ASAH1: variants seen among roughly 807,000 people sequenced by gnomAD.
The protein encoded by ASAH1 is N-acylsphingosine amidohydrolase 1.
Under a neutral mutation model 59.5 loss-of-function variants are expected in ASAH1, and 70 were observed. That is an observed-to-expected ratio of 1.18 (90% CI 0.97 to 1.43). The LOEUF (loss-of-function observed/expected upper bound fraction) is 1.43, where lower values mean the gene tolerates loss of function less well. ASAH1 is among the 40% of genes most tolerant of loss of function. ASAH1 has a pLI of 0.00. For missense variants in ASAH1, 660 were observed against 482.5 expected, an observed-to-expected ratio of 1.37 and a Z score of -3.45; for synonymous variants, 213 against 166.5, an observed-to-expected ratio of 1.28 and a Z score of -2.15.
rs369242199 is a variant in ASAH1 at position 18,071,329 on chromosome 8, G to A, written c.187C>T (p.His63Tyr). The A allele has an allele frequency of 4.4e-6, 7 of 1,603,172 alleles. No homozygotes were observed. The African/African-American group carries it at 9.3e-5, about 21-fold the overall frequency. ...NLDLPPYKRW[H>Y]ELMLDKAPVL... is the part of the protein sequence containing the mutation. ...GGTGCCTTGTCAAGCATCAATTCAT[G>A]CCATCTTTTGTAGGGTGGTAAGTCA... The change falls in exon 3 of 14, where the codon CAT (histidine) becomes TAT (tyrosine). Residue 63 changes from histidine to tyrosine, a missense_variant. His to Tyr is a moderately conservative substitution (Grantham distance 83). Coordinates refer to ENST00000637790, the MANE Select transcript of ASAH1 (RefSeq NM_177924.5).
Position 18,056,590 on chromosome 8 carries a change from T to C in ASAH1, c.*944A>G, listed in dbSNP as rs1799479438. ...TAGAAAGGTTAACAAGTTCTATTAG[T>C]ACTTTTCATAAGCAGTTTGATTTCT... On this transcript the variant is annotated 3_prime_UTR_variant, in exon 14 of 14. Transcript: ENST00000637790. 2 of 152,260 alleles carry C rather than the reference T, an allele frequency of 1.3e-5. No individual in the cohort carries two copies. Among genetic ancestry groups the C allele is most frequent in the South Asian group, 4.1e-4 (2 of 4,836 alleles). 9.4% of individuals were successfully genotyped at this position (152,260 alleles called of 1,614,324 possible).
chr8:18,084,090 C>G lies in ASAH1; in HGVS notation c.-32G>C, dbSNP rs369734620. 1.3e-6 allele frequency: 2 copies of G among 1,597,452 alleles called. No homozygotes were observed. The highest frequency in any genetic ancestry group is 1.3e-5 in the African/African-American group (1 of 75,024). ...AGCAGCCAACGCCACTCCCCGGACT[C>G]CAGCAGAGGCAAAGAAGAGCCGGCT... On this transcript the variant is annotated 5_prime_UTR_variant, in exon 1 of 14. Transcript: ENST00000637790.
At chr8:18,083,308 C>G (rs559971304) in intron 1 of ASAH1, 1 of 152,808 alleles carries the variant, frequency 6.5e-6, no homozygotes, top group African/African-American at 2.4e-5. Flanking sequence ...TAACCTCTGG[C>G]TAAATATTTT....
chr8:18,063,401 TCAAG>T, intron 6 of ASAH1, 171 bp from the exon 7 acceptor site: 1 of 656,794 alleles, frequency 1.5e-6, no homozygotes, highest in Non-Finnish European at 2.7e-6. Flanking sequence ...CCTCCCAGGT[TCAAG>T]CAATTCTTGT....
At chr8:18,069,304 T>G (rs1216421621) in intron 4 of ASAH1, among the ~76,000 whole-genome samples, 1 of 152,116 alleles carries the variant, frequency 6.6e-6, no homozygotes, top group Non-Finnish European at 1.5e-5. Context: ...GGAGTCTTCC[T>G]GCATGATGAG....
At chr8:18,067,477 C>G (rs1799981407) in intron 4 of ASAH1, 179 bp from the exon 5 acceptor site, 1 of 287,472 alleles carries the variant, frequency 3.5e-6, no homozygotes, top group Non-Finnish European at 6.3e-6. Context: ...ATTTTTACAT[C>G]ATGTAGTTAT....
At chr8:18,073,246 G>A (rs776779424) in intron 2 of ASAH1, 4 of 1,572,854 alleles carry the variant, frequency 2.5e-6, no homozygotes, top group South Asian at 1.1e-5. Flanking sequence ...AAGAATAAAA[G>A]AGTATCCACC....
chr8:18,078,901 C>T (rs1455855325), intron 1 of ASAH1, among the ~76,000 whole-genome samples: 1 of 146,040 alleles, frequency 6.8e-6, no homozygotes, highest in Non-Finnish European at 1.5e-5. Context: ...TCTCTCCCTG[C>T]CCTTCCCTAC....
At chr8:18,072,153 G>A (rs1171065059) in intron 2 of ASAH1, among the ~76,000 whole-genome samples, 1 of 152,148 alleles carries the variant, frequency 6.6e-6, no homozygotes, top group Non-Finnish European at 1.5e-5. Context: ...TTCTGGCCCT[G>A]GTTACTAAAC....
upstream of ASAH1, chr8:18,084,947 AC>A (rs1800838391): frequency 8.3e-7 from 1 of 1,211,174 alleles, no homozygotes; most frequent in African/African-American, 1.5e-5. Flanking sequence ...CGGGTAGGTG[AC>A]CGGGTTGGAT....
rs1336438951 is a variant in ASAH1 at position 18,069,882 on chromosome 8, A to G, written c.217-4T>C. On this transcript the variant is annotated splice_region_variant and splice_polypyrimidine_tract_variant and intron_variant, in intron 3 of 13. Transcript: ENST00000637790. ...GAGAATTCACTATAACCTTTAGCTG[A>G]AAAATAAATAAAATGCTTACTAAAA... 1.3e-6 allele frequency: 2 copies of G among 1,552,302 alleles called. No homozygotes were observed. The highest frequency in any genetic ancestry group is 1.8e-6 in the Non-Finnish European group (2 of 1,129,498).
At chr8:18,059,304 C>G (rs767916636) in intron 12 of ASAH1, 37 bp downstream of exon 12, 18 of 1,613,870 alleles carry the variant, frequency 1.1e-5, no homozygotes, top group Non-Finnish European at 1.5e-5. Context: ...TCTTTAATGG[C>G]AACAGTTTCT....
Position 18,061,234 on chromosome 8 carries a change from T to C in ASAH1, c.785+143A>G, listed in dbSNP as rs17636110. On this transcript the variant is annotated intron_variant, in intron 10 of 13. Transcript: ENST00000637790. ...GTCTGCACGAAGAAAACATGAGTAA[T>C]TCCACATGAGTGTCAGAGGTTCACC... 0.053 allele frequency: 35,532 copies of C among 676,760 alleles called. 3,079 individuals carry two copies. Among genetic ancestry groups the C allele is most frequent in the East Asian group, 0.28 (9,520 of 34,026 alleles). The allele number at this position is 676,760 out of a possible 1,614,324, so 41.9% of individuals were successfully genotyped here.
chr8:18,081,583 G>C (rs1458323663), intron 1 of ASAH1, among the ~76,000 whole-genome samples: 2 of 152,074 alleles, frequency 1.3e-5, no homozygotes, highest in African/African-American at 2.4e-5. Context: ...TCTCTTAATA[G>C]ACTCCTAAAA....
intron 10 of ASAH1, 25 bp from the exon 11 acceptor site, chr8:18,059,728 A>C: frequency 6.3e-7 from 1 of 1,575,932 alleles, no homozygotes; most frequent in Non-Finnish European, 8.6e-7. Context: ...TTAAAAAGAA[A>C]AATGAAACTT....
intron 1 of ASAH1, among the ~76,000 whole-genome samples, chr8:18,079,436 A>G (rs988241023): frequency 5.4e-5 from 8 of 147,170 alleles, no homozygotes; most frequent in Non-Finnish European, 1.2e-4. Context: ...TGAACACAAC[A>G]TTCTAAAAAA....
At chr8:18,063,458 C>A in intron 6 of ASAH1, 1 of 456,486 alleles carries the variant, frequency 2.2e-6, no homozygotes, top group Non-Finnish European at 3.9e-6. Flanking sequence ...CATGTGCGAC[C>A]GCACCTGGCT....
chr8:18,061,932 TG>T (rs377765475), intron 8 of ASAH1, 192 bp from the exon 9 acceptor site: 2 of 664,668 alleles, frequency 3.0e-6, no homozygotes, highest in Non-Finnish European at 5.2e-6. Context: ...GATAAGTAGG[TG>T]GGGTATCACT....
upstream of ASAH1, chr8:18,084,864 G>T: frequency 3.1e-6 from 5 of 1,595,286 alleles, no homozygotes; most frequent in Non-Finnish European, 4.3e-6. Flanking sequence ...AGCTCAGCTT[G>T]GGAGGAGGCG....
Sources: allele counts gnomAD v4.1 joint callset (sites outside exome capture counted in the v4.1 genomes callset), GRCh38; gene constraint gnomAD v4.1.1; transcripts MANE v1.5; gene names NCBI Gene and HGNC (gene_info 2026-07-23, HGNC 2026-07-21).